Variants in ITGA4 observed in about 807,000 individuals in gnomAD.
ITGA4 encodes integrin subunit alpha 4.
A neutral mutation model predicts 133.6 loss-of-function variants in ITGA4; 63 were observed. The observed-to-expected ratio is 0.47, with a 90% confidence interval of 0.38 to 0.58. The LOEUF (loss-of-function observed/expected upper bound fraction) is 0.58, where lower values mean the gene tolerates loss of function less well. ITGA4 is among the 20% of genes least tolerant of loss of function. The pLI is 0.00. For missense variants in ITGA4, 1,076 were observed against 1,252.7 expected (o/e 0.86, Z 2.13); for synonymous variants, 483 against 438.0 (o/e 1.10, Z -1.28).
intron 16 of ITGA4, among the ~76,000 whole-genome samples, chr2:181,510,714 TC>T (rs1686489121): frequency 4.3e-5 from 4 of 94,006 alleles, no homozygotes; most frequent in Non-Finnish European, 8.9e-5. Context: ...CTCTACACCC[TC>T]ATATGAAAAT....
chr2:181,460,791 G>A (rs571482459), intron 2 of ITGA4, among the ~76,000 whole-genome samples: 1 of 152,194 alleles, frequency 6.6e-6, no homozygotes, highest in Non-Finnish European at 1.5e-5. Context: ...AGGGACAATT[G>A]ATAAACTGAA....
rs573496181 is a variant in ITGA4, at chr2:181,497,163, A to AT, written c.1540+1226_1540+1227insT. ...CACAGACAAGCTGAAGGATAATCTGAAAGACACACATTGAGTAGATGACGC... is the reference window on the plus strand; with the variant it reads ...CACAGACAAGCTGAAGGATAATCTGATAAGACACACATTGAGTAGATGACGC... On this transcript the variant is annotated intron_variant, in intron 14 of 27. Coordinates refer to ENST00000397033, the MANE Select transcript of ITGA4 (RefSeq NM_000885.6). 2.4e-3 allele frequency among the ~76,000 whole-genome samples: 365 copies of AT among 152,358 alleles called. 1 individual carries two copies. Among genetic ancestry groups the AT allele is most frequent in the Non-Finnish European group, 4.1e-3 (281 of 68,032 alleles).
At chr2:181,488,683 C>T (rs921085155) in intron 10 of ITGA4, among the ~76,000 whole-genome samples, 5 of 151,852 alleles carry the variant, frequency 3.3e-5, no homozygotes, top group East Asian at 1.9e-4. Context: ...CTCAGCCTCC[C>T]GAGTAGCTGG....
In ITGA4 at chr2:181,535,544, G is replaced by A. The variant is rs2105776353; in HGVS notation, c.*17G>A. ...GATGATTAAGGACTTCTTTCAAATT[G>A]AGAGAATGGAAAACAGACTCAGGTT... On this transcript the variant is annotated 3_prime_UTR_variant, in exon 28 of 28. Coordinates refer to ENST00000397033, the MANE Select transcript of ITGA4 (RefSeq NM_000885.6). The A allele has an allele frequency of 1.3e-6, 2 of 1,585,014 alleles. No individual in the cohort carries two copies. The highest frequency in any genetic ancestry group is 1.7e-6 in the Non-Finnish European group (2 of 1,167,482).
At chr2:181,476,632 G>A (rs1685682974) in intron 4 of ITGA4, among the ~76,000 whole-genome samples, 1 of 152,072 alleles carries the variant, frequency 6.6e-6, no homozygotes, top group Non-Finnish European at 1.5e-5. Flanking sequence ...TCTTGATTCA[G>A]TCTATATTTC....
intron 17 of ITGA4, among the ~76,000 whole-genome samples, chr2:181,517,129 G>A (rs1363948879): frequency 2.6e-5 from 4 of 151,858 alleles, no homozygotes; most frequent in African/African-American, 9.7e-5. Flanking sequence ...CAGTAGTAAA[G>A]GAAAAAAAGA....
intron 25 of ITGA4, 114 bp from the exon 26 acceptor site, chr2:181,534,157 GA>G (rs1301747330): frequency 4.8e-6 from 3 of 628,842 alleles, no homozygotes; most frequent in Non-Finnish European, 8.4e-6. Flanking sequence ...TTTAAGTGGT[GA>G]AATAAATTGG....
At chr2:181,492,056 C>A (rs1686058751) in intron 10 of ITGA4, among the ~76,000 whole-genome samples, 1 of 152,228 alleles carries the variant, frequency 6.6e-6, no homozygotes, top group African/African-American at 2.4e-5. Flanking sequence ...TTAGTCTATT[C>A]TTACTTGCCA....
intron 17 of ITGA4, among the ~76,000 whole-genome samples, chr2:181,518,164 C>T (rs1216945810): frequency 6.6e-6 from 1 of 152,022 alleles, no homozygotes; most frequent in Non-Finnish European, 1.5e-5. Flanking sequence ...ACAACACAGG[C>T]ACGAGTAAAT....
chr2:181,487,446 G>A (rs1323623237), intron 10 of ITGA4, among the ~76,000 whole-genome samples: 1 of 152,162 alleles, frequency 6.6e-6, no homozygotes, highest in Non-Finnish European at 1.5e-5. Context: ...GTCACATTGA[G>A]TTCACATCTC....
intron 15 of ITGA4, 158 bp downstream of exon 15, chr2:181,498,935 C>T (rs1326850417): frequency 2.0e-5 from 19 of 956,842 alleles, no homozygotes; most frequent in Non-Finnish European, 2.4e-5. Context: ...ATGAGACAAT[C>T]TCAACCCAAG....
intron 5 of ITGA4, 87 bp downstream of exon 5, chr2:181,478,911 G>A: frequency 1.6e-6 from 1 of 637,072 alleles, no homozygotes; most frequent in Non-Finnish European, 2.5e-6. Context: ...ATGTTTTAAA[G>A]TAAAAATTGT....
chr2:181,458,572 A>G (rs1312721084), intron 2 of ITGA4: 1 of 483,302 alleles, frequency 2.1e-6, no homozygotes, highest in Non-Finnish European at 3.8e-6. Flanking sequence ...TTCTTATGAT[A>G]CCTTCTCTTC....
chr2:181,517,133 A>G (rs973110910), intron 17 of ITGA4, among the ~76,000 whole-genome samples: 2 of 152,092 alleles, frequency 1.3e-5, no homozygotes, highest in African/African-American at 4.8e-5. Flanking sequence ...AGTAAAGGAA[A>G]AAAAGATAAA....
intron 15 of ITGA4, 52 bp downstream of exon 15, chr2:181,498,829 T>C (rs1274801848): frequency 3.3e-6 from 5 of 1,527,158 alleles, no homozygotes; most frequent in East Asian, 2.4e-5. Context: ...ACGTTGTTGA[T>C]AGAGAGCAAC....
intron 25 of ITGA4, among the ~76,000 whole-genome samples, chr2:181,533,823 A>G (rs1185940697): frequency 2.6e-5 from 4 of 152,190 alleles, no homozygotes; most frequent in Admixed American, 1.3e-4. Flanking sequence ...AAGCCCTTCT[A>G]CAGATCCCCA....
intron 15 of ITGA4, among the ~76,000 whole-genome samples, chr2:181,506,902 T>C (rs1352634892): frequency 6.6e-6 from 1 of 152,094 alleles, no homozygotes; most frequent in Non-Finnish European, 1.5e-5. Flanking sequence ...TCAATTGCAG[T>C]GTCATGGGTC....
chr2:181,460,897 T>G (rs555964332), intron 2 of ITGA4, among the ~76,000 whole-genome samples: 12 of 152,250 alleles, frequency 7.9e-5, no homozygotes, highest in Admixed American at 5.2e-4. Flanking sequence ...AAAAATGTTA[T>G]AATGATTAAA....
At chr2:181,511,857 G>A in intron 17 of ITGA4, 82 bp downstream of exon 17, 1 of 705,858 alleles carries the variant, frequency 1.4e-6, no homozygotes. Context: ...AAAAGAAAAG[G>A]AACAAGAGCT....
Sources: allele counts gnomAD v4.1 joint callset (sites outside exome capture counted in the v4.1 genomes callset), GRCh38; gene constraint gnomAD v4.1.1; transcripts MANE v1.5; gene names NCBI Gene and HGNC (gene_info 2026-07-23, HGNC 2026-07-21).